Variants in UBAP2 observed in about 807,000 individuals in gnomAD.
UBAP2 encodes the protein ubiquitin associated protein 2.
A neutral mutation model predicts 139.6 loss-of-function variants in UBAP2; 75 were observed. That is an observed-to-expected ratio of 0.54 (90% CI 0.45 to 0.65). UBAP2 has a LOEUF of 0.65. Ranked by LOEUF, UBAP2 falls within the 30% of genes least tolerant of loss-of-function variation. The pLI, the probability that UBAP2 is intolerant of heterozygous loss-of-function variation, is 0.00. For missense variants in UBAP2, 1,368 were observed against 1,369.6 expected, an observed-to-expected ratio of 1.00 and a Z score of 0.02; for synonymous variants, 526 against 526.2, an observed-to-expected ratio of 1.00 and a Z score of 0.01.
intron 14 of UBAP2, among the ~76,000 whole-genome samples, 189 bp downstream of exon 14, chr9:33,944,176 C>T (rs549746360): frequency 3.9e-5 from 6 of 152,174 alleles, no homozygotes; most frequent in Non-Finnish European, 8.8e-5. Flanking sequence ...ATCTGTGGCT[C>T]TCAGCACAAA....
rs1823300751 is a variant in UBAP2, at chr9:33,925,039, TACAACAAAGTGTGGAGACAGAG to T, written c.2512-777_2512-756del. 1.3e-5 allele frequency among the ~76,000 whole-genome samples: 2 copies of T among 152,326 alleles called. 1 individual carries two copies. The highest frequency in any genetic ancestry group is 3.9e-4 in the East Asian group (2 of 5,182). ...CAGGACTTGGGGGAAGTATGGCAGA[TACAACAAAGTGTGGAGACAGAG>T]ACGGCAAAGCACAGTGGAGCTTCGT... On this transcript the variant is annotated intron_variant, in intron 22 of 28. Transcript: ENST00000379238.
intron 6 of UBAP2, among the ~76,000 whole-genome samples, chr9:33,976,053 A>G (rs1010662383): frequency 1.3e-5 from 2 of 152,136 alleles, no homozygotes; most frequent in Non-Finnish European, 2.9e-5. Flanking sequence ...CCACCTCTAC[A>G]ATAAATTTTT....
intron 2 of UBAP2, among the ~76,000 whole-genome samples, chr9:34,015,131 A>G (rs1824135577): frequency 6.6e-6 from 1 of 152,230 alleles, no homozygotes; most frequent in South Asian, 2.1e-4. Flanking sequence ...CAAGTAAGAC[A>G]AACTGGATAT....
chr9:33,959,196 G>A (rs780244782), intron 10 of UBAP2, among the ~76,000 whole-genome samples: 3 of 151,964 alleles, frequency 2.0e-5, no homozygotes, highest in Non-Finnish European at 4.4e-5. Context: ...AAGGTAAAAT[G>A]AATCTATCTA....
intron 2 of UBAP2, among the ~76,000 whole-genome samples, chr9:34,014,132 C>CT (rs1824025164): frequency 6.6e-6 from 1 of 151,592 alleles, no homozygotes; most frequent in Non-Finnish European, 1.5e-5. Context: ...TGAGACCAGC[C>CT]TGGCCAACAT....
intron 2 of UBAP2, among the ~76,000 whole-genome samples, chr9:34,005,434 CAAAAAAAAAAAA>C (rs36086568): frequency 1.2e-5 from 1 of 86,306 alleles, no homozygotes; most frequent in Non-Finnish European, 2.2e-5. Context: ...GACCCTGTCT[CAAAAAAAAAAAA>C]AAAAAAAAAA....
At chr9:34,036,014 A>C (rs1434327748) in intron 1 of UBAP2, among the ~76,000 whole-genome samples, 1 of 152,120 alleles carries the variant, frequency 6.6e-6, no homozygotes, top group Non-Finnish European at 1.5e-5. Context: ...AACAAAATAG[A>C]ACAAAGCAAA....
At chr9:33,966,460 AAAAAT>A (rs1476866232) in intron 8 of UBAP2, among the ~76,000 whole-genome samples, 3 of 152,114 alleles carry the variant, frequency 2.0e-5, no homozygotes, top group Non-Finnish European at 4.4e-5. Context: ...CATCTCGAAA[AAAAAT>A]AAAATAAAAA....
At chr9:33,968,277 GT>G (rs750092722) in intron 8 of UBAP2, 12 of 616,262 alleles carry the variant, frequency 1.9e-5, no homozygotes, top group Middle Eastern at 5.8e-4. Context: ...ATAATATACT[GT>G]CCATTTACTC....
At chr9:33,989,203 CT>C (rs34957423) in intron 4 of UBAP2, 77 bp from the exon 5 acceptor site, 315,267 of 1,164,460 alleles carry the variant, frequency 0.27, 5,577 homozygotes, top group African/African-American at 0.39. Context: ...ATGTATCTTT[CT>C]TTTTTTTTTT....
At chr9:33,957,376 A>G (rs145745810) in intron 10 of UBAP2, among the ~76,000 whole-genome samples, 1 of 152,156 alleles carries the variant, frequency 6.6e-6, no homozygotes, top group African/African-American at 2.4e-5. Context: ...TTACTCCCCC[A>G]CAATTTCCAC....
intron 4 of UBAP2, among the ~76,000 whole-genome samples, chr9:33,991,470 T>C (rs961398150): frequency 2.6e-5 from 4 of 152,252 alleles, no homozygotes; most frequent in South Asian, 2.1e-4. Context: ...ACCAGTTACA[T>C]AGGTACATAT....
At chr9:33,942,143 C>A (rs1451937465) in intron 15 of UBAP2, among the ~76,000 whole-genome samples, 1 of 151,886 alleles carries the variant, frequency 6.6e-6, no homozygotes, top group Non-Finnish European at 1.5e-5. Flanking sequence ...GAAACCCCGT[C>A]TCTACTAAAA....
intron 6 of UBAP2, among the ~76,000 whole-genome samples, chr9:33,984,392 G>A (rs1821023149): frequency 6.6e-6 from 1 of 152,104 alleles, no homozygotes; most frequent in Non-Finnish European, 1.5e-5. Flanking sequence ...GCTGGGCATA[G>A]TAGCTCACAC....
chr9:34,002,693 G>C (rs1822825843), intron 2 of UBAP2, among the ~76,000 whole-genome samples: 1 of 151,560 alleles, frequency 6.6e-6, no homozygotes, highest in African/African-American at 2.4e-5. Context: ...TTTTTTTTAA[G>C]CTAGGGTTTC....
At chr9:34,025,668 A>G (rs938414012) in intron 1 of UBAP2, among the ~76,000 whole-genome samples, 1 of 152,230 alleles carries the variant, frequency 6.6e-6, no homozygotes, top group South Asian at 2.1e-4. Context: ...CAACCTGATA[A>G]AACTACAAAG....
chr9:33,945,128 T>A (rs1825554302), intron 13 of UBAP2, among the ~76,000 whole-genome samples: 3 of 139,514 alleles, frequency 2.2e-5, no homozygotes, highest in Admixed American at 2.1e-4. Context: ...AGACCATGTC[T>A]TCATCCAAAA....
chr9:33,963,612 TACAA>T, intron 9 of UBAP2, 110 bp downstream of exon 9: 1 of 630,478 alleles, frequency 1.6e-6, no homozygotes, highest in Non-Finnish European at 2.7e-6. Context: ...AGGTATAGTT[TACAA>T]ACATTTATCT....
intron 9 of UBAP2, among the ~76,000 whole-genome samples, chr9:33,963,304 C>T (rs1435775331): frequency 6.6e-6 from 1 of 152,192 alleles, no homozygotes; most frequent in Non-Finnish European, 1.5e-5. Flanking sequence ...ACATTAAATA[C>T]AGAAGGCAAA....
Sources: allele counts gnomAD v4.1 joint callset (sites outside exome capture counted in the v4.1 genomes callset), GRCh38; gene constraint gnomAD v4.1.1; transcripts MANE v1.5; gene names NCBI Gene and HGNC (gene_info 2026-07-23, HGNC 2026-07-21).